FUNDC2: variants seen among roughly 807,000 people sequenced by gnomAD.
FUNDC2 encodes the protein FUN14 domain containing 2.
Under a neutral mutation model 15.6 loss-of-function variants are expected in FUNDC2, and 4 were observed. The observed-to-expected ratio is 0.26, with a 90% CI of 0.13 to 0.59. FUNDC2 has a LOEUF of 0.59. Ranked by LOEUF, FUNDC2 falls within the 20% of genes least tolerant of loss-of-function variation. The probability of loss-of-function intolerance (pLI) is 0.90; values close to 1 mark genes in which losing one functional copy is unlikely to be tolerated. For synonymous variants in FUNDC2, 44 were observed against 56.9 expected (o/e 0.77, Z 1.02); for missense variants, 98 against 149.7 (o/e 0.65, Z 1.80).
At chrX:155,051,093 T>C in intron 3 of FUNDC2, 1 of 112,893 alleles carries the variant, frequency 8.9e-6, no homozygotes, top group East Asian at 2.8e-4. Context: ...TGAATCAGAT[T>C]TACACTGAGT....
rs1557291097 is a variant in FUNDC2, at chrX:155,057,089, T to A, written c.*2417T>A. 2.0e-3 allele frequency: 213 copies of A among 104,365 alleles called. No homozygotes were observed. Among genetic ancestry groups the A allele is most frequent in the African/African-American group, 7.0e-3 (208 of 29,868 alleles). The allele number at this position is 104,365 out of a possible 1,213,427, so 8.6% of individuals were successfully genotyped here. ...AGTTCTGCCCACGGTGTGAGGCCAC[T>A]GTGACCACTTGGGATTGTGCAGAGC... On this transcript the variant is annotated 3_prime_UTR_variant, in exon 5 of 5. Transcript: ENST00000369498.
rs1197250619 is a variant in FUNDC2, at chrX:155,056,376, A to T, written c.*1704A>T. The T allele has an allele frequency of 8.9e-6, 1 of 111,881 alleles. No homozygotes were observed. The highest frequency in any genetic ancestry group is 1.9e-5 in the Non-Finnish European group (1 of 53,233). 9.2% of individuals were successfully genotyped at this position (111,881 alleles called of 1,213,427 possible). On this transcript the variant is annotated 3_prime_UTR_variant, in exon 5 of 5. Coordinates refer to ENST00000369498, the MANE Select transcript of FUNDC2 (RefSeq NM_023934.4). ...ATACCTCATCATATCAGACATTAAC[A>T]GTAATTACATAATATCCAAAATCTG...
In FUNDC2 at chrX:155,057,776, G is replaced by C. The variant is rs5945135; in HGVS notation, c.*3104G>C. ...TGGGACCTGGTGGGATGGGGACTTG[G>C]AGCATGCTACAGGAGAGGTAGAACT... On this transcript the variant is annotated 3_prime_UTR_variant, in exon 5 of 5. Transcript: ENST00000369498. 0.18 allele frequency: 20,199 copies of C among 110,712 alleles called. 2,321 individuals are homozygous for C. Among genetic ancestry groups the C allele is most frequent in the African/African-American group, 0.42 (12,695 of 30,156 alleles). The allele number at this position is 110,712 out of a possible 1,213,427, so 9.1% of individuals were successfully genotyped here. A position where few individuals can be genotyped will look rare whatever the true frequency, so the allele number is the denominator to read the frequency against.
At chrX:155,054,449 G>A in intron 4 of FUNDC2, 146 bp from the exon 5 acceptor site, 2 of 1,105,004 alleles carry the variant, frequency 1.8e-6, no homozygotes, top group African/African-American at 1.9e-5. Flanking sequence ...ATTAGTGTAA[G>A]TCCATTGCCC....
At chrX:155,031,486 C>T (rs1414228951) in intron 1 of FUNDC2, among the ~76,000 whole-genome samples, 15 of 111,342 alleles carry the variant, frequency 1.3e-4, no homozygotes, top group South Asian at 7.6e-4. Context: ...CATGCCACCA[C>T]GCCCAGCTAA....
At chrX:155,051,496 G>A (rs1270750073) in intron 3 of FUNDC2, 174 bp from the exon 4 acceptor site, 6 of 452,796 alleles carry the variant, frequency 1.3e-5, no homozygotes, top group South Asian at 7.7e-5. Context: ...ATATGGCTTC[G>A]CATATAGGGG....
chrX:155,051,741 G>A lies in FUNDC2; in HGVS notation c.432G>A (p.Glu144=). The change falls in exon 4 of 5, where the codon GAG becomes GAA. Residue 144 remains glutamate, a synonymous_variant. Transcript: ENST00000369498. ...RVEKDMKKAK[E]QLKIRKSNQI... is the part of the protein sequence containing the mutation. ...AGAAGGACATGAAGAAAGCCAAAGAGCAGCTGAAGATCCGTAAGAGCAATC... is the reference window on the plus strand; with the variant it reads ...AGAAGGACATGAAGAAAGCCAAAGAACAGCTGAAGATCCGTAAGAGCAATC... 2.5e-6 allele frequency: 3 copies of A among 1,210,754 alleles called. No homozygotes were observed. Among genetic ancestry groups the A allele is most frequent in the South Asian group, 1.8e-5 (1 of 56,955 alleles).
chrX:155,031,976 ATTT>A (rs35217353), intron 1 of FUNDC2, among the ~76,000 whole-genome samples: 1 of 97,340 alleles, frequency 1.0e-5, no homozygotes. Flanking sequence ...CCTTCATTTC[ATTT>A]TTTTTTTTTT....
At position 155,033,404 on chromosome X, in the gene FUNDC2, A is replaced by C; in HGVS notation, c.135A>C (p.Gly45=). 1 of 1,202,354 alleles carries C rather than the reference A, an allele frequency of 8.3e-7. No homozygotes were observed. Among genetic ancestry groups the C allele is most frequent in the Non-Finnish European group, 1.1e-6 (1 of 887,997 alleles). ...TATTTAACGTATTACTTCTTGTAGGAAACTTTGAGGGAAATTTTGAGTCAC... is the reference window on the plus strand; with the variant it reads ...TATTTAACGTATTACTTCTTGTAGGCAACTTTGAGGGAAATTTTGAGTCAC... ...KLTEMAASSQ[G]NFEGNFESLD... The change falls in exon 2 of 5, where the codon GGA becomes GGC. Residue 45 remains glycine (G), a splice_region_variant and synonymous_variant. Coordinates refer to ENST00000369498, the MANE Select transcript of FUNDC2 (RefSeq NM_023934.4).
rs1458721854 is a variant in FUNDC2, at chrX:155,055,362, G to C, written c.*690G>C. On this transcript the variant is annotated 3_prime_UTR_variant, in exon 5 of 5. Transcript: ENST00000369498. Reference sequence around the variant, plus strand: ...TTTTGGATTTTTATTTTGTAGAAAAGGTTTTAAGCTTTGAAATGTGAATGA... The same window carrying C: ...TTTTGGATTTTTATTTTGTAGAAAACGTTTTAAGCTTTGAAATGTGAATGA... 3 of 294,462 alleles carry C rather than the reference G, an allele frequency of 1.0e-5. No individual in the cohort carries two copies. Among genetic ancestry groups the C allele is most frequent in the African/African-American group, 2.8e-5 (1 of 36,029 alleles). 24.3% of individuals were successfully genotyped at this position (294,462 alleles called of 1,213,427 possible).
chrX:155,054,550 A>G, intron 4 of FUNDC2, 45 bp from the exon 5 acceptor site: 2 of 1,207,821 alleles, frequency 1.7e-6, no homozygotes, highest in Non-Finnish European at 2.2e-6. Context: ...TAATATTATT[A>G]ACATCCTTAG....
At position 155,055,969 on chromosome X, in the gene FUNDC2, T is replaced by C. The variant is rs2073893688; in HGVS notation, c.*1297T>C. ...GAGAATGATGTATTGAATTTGAAAA[T>C]CAAAACTACCAGTGGATGTGTGGAA... On this transcript the variant is annotated 3_prime_UTR_variant, in exon 5 of 5. Transcript: ENST00000369498. 1 of 112,110 alleles carries C rather than the reference T, an allele frequency of 8.9e-6. No individual in the cohort carries two copies. Among genetic ancestry groups the C allele is most frequent in the Non-Finnish European group, 1.9e-5 (1 of 53,242 alleles). The allele number at this position is 112,110 out of a possible 1,213,427, so 9.2% of individuals were successfully genotyped here. A position where few individuals can be genotyped will look rare whatever the true frequency, so the allele number is the denominator to read the frequency against.
rs969375498 is a variant in FUNDC2, at chrX:155,056,390, A to G, written c.*1718A>G. 2.7e-5 allele frequency: 3 copies of G among 112,017 alleles called. No individual in the cohort carries two copies. Among genetic ancestry groups the G allele is most frequent in the Non-Finnish European group, 5.6e-5 (3 of 53,257 alleles). 9.2% of individuals were successfully genotyped at this position (112,017 alleles called of 1,213,427 possible). A position where few individuals can be genotyped will look rare whatever the true frequency, so the allele number is the denominator to read the frequency against. On this transcript the variant is annotated 3_prime_UTR_variant, in exon 5 of 5. Coordinates refer to ENST00000369498, the MANE Select transcript of FUNDC2 (RefSeq NM_023934.4). The stretch of plus-strand genomic sequence containing the variant: ...CAGACATTAACAGTAATTACATAAT[A>G]TCCAAAATCTGATCAGTGTTCAAAA...
chrX:155,036,541 A>G (rs782530488), intron 2 of FUNDC2, among the ~76,000 whole-genome samples: 16 of 111,952 alleles, frequency 1.4e-4, no homozygotes, highest in African/African-American at 5.2e-4. Flanking sequence ...TTTTGGTGTC[A>G]TGTCTGAGAA....
chrX:155,029,316 C>T (rs782329201), intron 1 of FUNDC2, among the ~76,000 whole-genome samples: 2 of 112,177 alleles, frequency 1.8e-5, no homozygotes, highest in Non-Finnish European at 3.8e-5. Context: ...ATTCCTGATC[C>T]ACAAAATCTG....
intron 2 of FUNDC2, among the ~76,000 whole-genome samples, chrX:155,037,515 G>A (rs185220996): frequency 9.0e-6 from 1 of 110,899 alleles, no homozygotes; most frequent in African/African-American, 3.3e-5. Context: ...ACATAGTCTC[G>A]CTCTCTCACC....
At chrX:155,032,280 C>CTTTT (rs200923469) in intron 1 of FUNDC2, among the ~76,000 whole-genome samples, 138 of 62,668 alleles carry the variant, frequency 2.2e-3, no homozygotes, top group Non-Finnish European at 2.6e-3. Context: ...CTGGTGCCTT[C>CTTTT]TTTTTTTTTT....
intron 4 of FUNDC2, chrX:155,054,266 C>G (rs782223531): frequency 2.8e-5 from 21 of 753,244 alleles, no homozygotes; most frequent in Non-Finnish European, 3.3e-5. Flanking sequence ...TTTACTCTTT[C>G]GCCATAACTG....
intron 1 of FUNDC2, among the ~76,000 whole-genome samples, chrX:155,031,545 G>T (rs138710711): frequency 3.6e-5 from 4 of 112,202 alleles, no homozygotes; most frequent in Non-Finnish European, 5.6e-5. Flanking sequence ...GGCCAGGCTG[G>T]TCTTGAACTC....
Sources: allele counts gnomAD v4.1 joint callset (sites outside exome capture counted in the v4.1 genomes callset), GRCh38; gene constraint gnomAD v4.1.1; transcripts MANE v1.5; gene names NCBI Gene and HGNC (gene_info 2026-07-23, HGNC 2026-07-21).